Variants in CHSY3 observed in about 807,000 individuals in gnomAD.
The protein encoded by CHSY3 is chondroitin sulfate synthase 3, also known as N-acetylgalactosaminyl-proteoglycan 3-beta-glucuronosyltransferase 3.
CHSY3 carries 35 observed loss-of-function variants against 67.2 expected under a neutral mutation model. The ratio of observed to expected loss-of-function variants is 0.52; its 90% confidence interval spans 0.40 to 0.69. The LOEUF (loss-of-function observed/expected upper bound fraction) is 0.69, where lower values mean the gene tolerates loss of function less well. Ranked by LOEUF, CHSY3 falls within the 30% of genes least tolerant of loss-of-function variation. The pLI is 0.00. For missense variants in CHSY3, 1,069 were observed against 1,138.5 expected (o/e 0.94, Z 0.88); for synonymous variants, 474 against 434.7 (o/e 1.09, Z -1.12).
In CHSY3 at chr5:130,056,001, A is replaced by G. The variant is rs548489921; in HGVS notation, c.1087-128228A>G. Among the ~76,000 whole-genome samples, 67 of 152,268 alleles carry G rather than the reference A, an allele frequency of 4.4e-4. No homozygotes were observed. In the South Asian group the frequency reaches 0.014, roughly 31 times the overall value. On this transcript the variant is annotated intron_variant, in intron 2 of 2. Transcript: ENST00000305031. ...TTCCCTTTTGATCACATAAGTATTA[A>G]TGTTGCCTGAATCTGATGCATATTA...
chr5:130,168,262 G>A (rs1428987176), intron 2 of CHSY3, among the ~76,000 whole-genome samples: 1 of 152,040 alleles, frequency 6.6e-6, no homozygotes, highest in Non-Finnish European at 1.5e-5. Flanking sequence ...ATTTATTTGT[G>A]CAGAAATTAT....
chr5:130,152,324 A>T (rs1769255354), intron 2 of CHSY3, among the ~76,000 whole-genome samples: 1 of 152,220 alleles, frequency 6.6e-6, no homozygotes, highest in Non-Finnish European at 1.5e-5. Context: ...CCATTCTAAC[A>T]CTATATTCAG....
chr5:130,027,118 A>G (rs576523719), intron 2 of CHSY3, among the ~76,000 whole-genome samples: 3 of 152,206 alleles, frequency 2.0e-5, no homozygotes, highest in South Asian at 4.1e-4. Context: ...GTTCTCTAAC[A>G]CTATGGTACT....
intron 2 of CHSY3, among the ~76,000 whole-genome samples, chr5:130,065,278 C>T (rs750781684): frequency 3.3e-5 from 5 of 151,996 alleles, no homozygotes; most frequent in Non-Finnish European, 7.4e-5. Context: ...ACATTTAGAA[C>T]CAGCTTGAAA....
chr5:129,916,639 T>C (rs1760738373), intron 2 of CHSY3, among the ~76,000 whole-genome samples: 1 of 152,116 alleles, frequency 6.6e-6, no homozygotes, highest in South Asian at 2.1e-4. Flanking sequence ...TGAAAAAATA[T>C]GGTGTTAAAA....
At chr5:130,042,026 G>A (rs1043811755) in intron 2 of CHSY3, among the ~76,000 whole-genome samples, 5 of 152,044 alleles carry the variant, frequency 3.3e-5, no homozygotes, top group Non-Finnish European at 5.9e-5. Context: ...CTTGAGTGCA[G>A]GGGTTCAAGA....
intron 2 of CHSY3, among the ~76,000 whole-genome samples, chr5:129,951,151 C>CT (rs1762013554): frequency 6.6e-6 from 1 of 152,152 alleles, no homozygotes; most frequent in South Asian, 2.1e-4. Flanking sequence ...AAAGCAGAGC[C>CT]TCTTTAATAA....
chr5:129,956,496 C>T (rs561085579), intron 2 of CHSY3, among the ~76,000 whole-genome samples: 45 of 152,080 alleles, frequency 3.0e-4, no homozygotes, highest in Admixed American at 5.9e-4. Context: ...ATATCTCATC[C>T]TGTGGGTTGT....
At chr5:130,167,391 A>G (rs549804340) in intron 2 of CHSY3, among the ~76,000 whole-genome samples, 4 of 152,258 alleles carry the variant, frequency 2.6e-5, no homozygotes, top group African/African-American at 9.6e-5. Flanking sequence ...TAGTACCTTG[A>G]GAAAGCCATT....
intron 2 of CHSY3, among the ~76,000 whole-genome samples, chr5:130,143,756 A>ATATATATGTG (rs1433405052): frequency 9.8e-6 from 1 of 101,938 alleles, no homozygotes; most frequent in African/African-American, 4.8e-5. Context: ...ATATATATAT[A>ATATATATGTG]TGTGTGTGTG....
At chr5:130,160,103 AT>A (rs1334929706) in intron 2 of CHSY3, among the ~76,000 whole-genome samples, 9 of 152,204 alleles carry the variant, frequency 5.9e-5, no homozygotes, top group African/African-American at 2.2e-4. Flanking sequence ...TTTCTGTCAA[AT>A]TTTGCATTCC....
intron 2 of CHSY3, among the ~76,000 whole-genome samples, chr5:130,112,047 C>T (rs1345052804): frequency 6.6e-6 from 1 of 152,034 alleles, no homozygotes; most frequent in East Asian, 1.9e-4. Context: ...AGCCTCACTT[C>T]AGAATCTATG....
chr5:129,965,307 A>T (rs1029242114), intron 2 of CHSY3, among the ~76,000 whole-genome samples: 3 of 151,986 alleles, frequency 2.0e-5, no homozygotes, highest in Admixed American at 2.0e-4. Flanking sequence ...AGTTGCCTAG[A>T]TATATTCTAC....
intron 2 of CHSY3, among the ~76,000 whole-genome samples, chr5:129,946,164 T>A (rs1038104069): frequency 6.6e-6 from 1 of 152,164 alleles, no homozygotes; most frequent in Non-Finnish European, 1.5e-5. Flanking sequence ...GTATGTGGCT[T>A]GATGTTAAAT....
intron 2 of CHSY3, among the ~76,000 whole-genome samples, chr5:129,964,940 T>G (rs1762430637): frequency 6.6e-6 from 1 of 151,954 alleles, no homozygotes; most frequent in South Asian, 2.1e-4. Flanking sequence ...CAGTACATTA[T>G]TTGAAATATA....
intron 2 of CHSY3, among the ~76,000 whole-genome samples, chr5:130,013,075 G>A (rs1764114911): frequency 6.6e-6 from 1 of 152,010 alleles, no homozygotes; most frequent in Admixed American, 6.6e-5. Context: ...ATGCAAGTCT[G>A]AAATCCAACA....
intron 2 of CHSY3, among the ~76,000 whole-genome samples, chr5:129,959,581 C>A (rs1762272903): frequency 6.6e-6 from 1 of 151,944 alleles, no homozygotes; most frequent in Admixed American, 6.6e-5. Context: ...TAACAATAAA[C>A]ATATATTTAT....
intron 2 of CHSY3, among the ~76,000 whole-genome samples, chr5:130,102,439 G>A (rs1187440212): frequency 6.6e-6 from 1 of 151,634 alleles, no homozygotes; most frequent in East Asian, 1.9e-4. Flanking sequence ...AAACCTTACT[G>A]GTAGTTAACT....
chr5:130,022,006 G>T (rs1257014440), intron 2 of CHSY3, among the ~76,000 whole-genome samples: 1 of 152,014 alleles, frequency 6.6e-6, no homozygotes, highest in African/African-American at 2.4e-5. Flanking sequence ...TTCTTTATTT[G>T]TATGAATGAA....
Sources: gnomAD v4.1 joint callset for allele counts (sites outside exome capture counted in the v4.1 genomes callset) on GRCh38, gnomAD v4.1.1 for gene constraint, MANE v1.5 for transcripts, NCBI Gene and HGNC (gene_info 2026-07-23, HGNC 2026-07-21) for gene names.